SH3GL2: variants seen among roughly 807,000 people sequenced by gnomAD.
SH3GL2 encodes SH3 domain containing GRB2 like 2, endophilin A1, also known as endophilin-A1.
SH3GL2 carries 24 observed loss-of-function variants against 46.0 expected under a neutral mutation model. That is an observed-to-expected ratio of 0.52 (90% CI 0.38 to 0.73). The LOEUF is 0.73. SH3GL2 is among the 30% of genes least tolerant of loss of function. SH3GL2 has a pLI of 0.00. For synonymous variants in SH3GL2, 196 were observed against 147.1 expected (o/e 1.33, Z -2.40); for missense variants, 413 against 424.2 (o/e 0.97, Z 0.23).
intron 1 of SH3GL2, among the ~76,000 whole-genome samples, chr9:17,621,694 T>C (rs934217618): frequency 1.3e-5 from 2 of 152,222 alleles, no homozygotes; most frequent in African/African-American, 4.8e-5. Flanking sequence ...CACCTAGGAC[T>C]CACTAAAAGA....
intron 6 of SH3GL2, among the ~76,000 whole-genome samples, chr9:17,790,192 T>C (rs987412667): frequency 6.6e-6 from 1 of 152,168 alleles, no homozygotes; most frequent in African/African-American, 2.4e-5. Flanking sequence ...CTGCTTTTTA[T>C]TCTATCTGGG....
chr9:17,680,474 T>TGG (rs1820738289), intron 1 of SH3GL2, among the ~76,000 whole-genome samples: 1 of 152,172 alleles, frequency 6.6e-6, no homozygotes, highest in Non-Finnish European at 1.5e-5. Context: ...TTGGTGGTGA[T>TGG]ATCCCCTTTA....
At chr9:17,766,662 T>C (rs984494323) in intron 3 of SH3GL2, among the ~76,000 whole-genome samples, 1 of 152,220 alleles carries the variant, frequency 6.6e-6, no homozygotes, top group Admixed American at 6.5e-5. Context: ...TTAAAAATTA[T>C]TGAGATATTC....
intron 1 of SH3GL2, among the ~76,000 whole-genome samples, chr9:17,736,268 A>C (rs192358350): frequency 5.3e-5 from 8 of 152,212 alleles, no homozygotes; most frequent in Admixed American, 5.2e-4. Context: ...TAGATCATAG[A>C]ATTTCTAGAG....
chr9:17,767,357 C>A (rs1823346594), intron 3 of SH3GL2, among the ~76,000 whole-genome samples: 1 of 152,076 alleles, frequency 6.6e-6, no homozygotes, highest in South Asian at 2.1e-4. Context: ...ACCATTAGTC[C>A]CTGGAAAGAT....
At chr9:17,694,869 T>G (rs1045021388) in intron 1 of SH3GL2, among the ~76,000 whole-genome samples, 1 of 152,158 alleles carries the variant, frequency 6.6e-6, no homozygotes, top group Non-Finnish European at 1.5e-5. Context: ...TAGAGTTTTA[T>G]TTTTATTTTT....
At chr9:17,699,086 C>T (rs1347683979) in intron 1 of SH3GL2, among the ~76,000 whole-genome samples, 1 of 139,534 alleles carries the variant, frequency 7.2e-6, no homozygotes, top group Non-Finnish European at 1.5e-5. Flanking sequence ...ACCTCAGAGG[C>T]AGAGGTTGCA....
At chr9:17,776,159 G>A (rs1031232030) in intron 3 of SH3GL2, among the ~76,000 whole-genome samples, 1 of 152,036 alleles carries the variant, frequency 6.6e-6, no homozygotes, top group Non-Finnish European at 1.5e-5. Flanking sequence ...TGCCTCTGCA[G>A]CCCCACCCTT....
chr9:17,697,866 C>A (rs3808701), intron 1 of SH3GL2, among the ~76,000 whole-genome samples: 2 of 152,008 alleles, frequency 1.3e-5, no homozygotes, highest in Admixed American at 1.3e-4. Flanking sequence ...TTGTCTTCTC[C>A]TTTGCTCTAT....
intron 1 of SH3GL2, among the ~76,000 whole-genome samples, chr9:17,639,422 T>C (rs1184431235): frequency 6.6e-6 from 1 of 152,164 alleles, no homozygotes; most frequent in Non-Finnish European, 1.5e-5. Context: ...AGAAGATGCA[T>C]AAATGATCAA....
intron 3 of SH3GL2, among the ~76,000 whole-genome samples, chr9:17,773,503 G>T (rs1428131344): frequency 6.6e-6 from 1 of 151,970 alleles, no homozygotes; most frequent in African/African-American, 2.4e-5. Flanking sequence ...ATTAGAAAAA[G>T]GTCCAAATTC....
chr9:17,613,978 A>G (rs553299490), intron 1 of SH3GL2, among the ~76,000 whole-genome samples: 1 of 152,040 alleles, frequency 6.6e-6, no homozygotes, highest in Non-Finnish European at 1.5e-5. Context: ...TCACTTTCTA[A>G]AGGGTTTTGT....
chr9:17,738,575 T>TAGAGAG (rs142654925), intron 1 of SH3GL2, among the ~76,000 whole-genome samples: 19,955 of 108,132 alleles, frequency 0.18, 2,456 homozygotes, highest in East Asian at 0.33. Flanking sequence ...CATATATATA[T>TAGAGAG]AGAGAGAGAG....
intron 3 of SH3GL2, among the ~76,000 whole-genome samples, chr9:17,766,641 A>G (rs1159743939): frequency 6.6e-6 from 1 of 152,200 alleles, no homozygotes; most frequent in African/African-American, 2.4e-5. Flanking sequence ...TAGCCAAAAT[A>G]TTAACCACTA....
chr9:17,717,767 C>G (rs1388031830), intron 1 of SH3GL2, among the ~76,000 whole-genome samples: 1 of 151,504 alleles, frequency 6.6e-6, no homozygotes, highest in Non-Finnish European at 1.5e-5. Context: ...GAAATGTACT[C>G]TATGTGCTGT....
At chr9:17,749,048 T>C (rs1022427841) in intron 2 of SH3GL2, among the ~76,000 whole-genome samples, 1 of 152,154 alleles carries the variant, frequency 6.6e-6, no homozygotes, top group Admixed American at 6.5e-5. Context: ...TACCCAGTGG[T>C]GAGGAGATTT....
At chr9:17,596,143 G>T (rs574213559) in intron 1 of SH3GL2, among the ~76,000 whole-genome samples, 1 of 152,228 alleles carries the variant, frequency 6.6e-6, no homozygotes, top group East Asian at 1.9e-4. Context: ...ATAAATATAT[G>T]TCAGTTTGCT....
At chr9:17,704,936 A>G (rs1821431849) in intron 1 of SH3GL2, among the ~76,000 whole-genome samples, 1 of 151,942 alleles carries the variant, frequency 6.6e-6, no homozygotes, top group Non-Finnish European at 1.5e-5. Flanking sequence ...TTGACAAAAT[A>G]GAGATCTTCT....
At chr9:17,689,310 A>G (rs772750989) in intron 1 of SH3GL2, among the ~76,000 whole-genome samples, 1 of 152,082 alleles carries the variant, frequency 6.6e-6, no homozygotes, top group African/African-American at 2.4e-5. Flanking sequence ...AGATACGAAA[A>G]CTAAATATGT....
Sources: gnomAD v4.1 joint callset for allele counts (sites outside exome capture counted in the v4.1 genomes callset) on GRCh38, gnomAD v4.1.1 for gene constraint, MANE v1.5 for transcripts, NCBI Gene and HGNC (gene_info 2026-07-23, HGNC 2026-07-21) for gene names.